CASZ1: variants seen among roughly 807,000 people sequenced by gnomAD.
CASZ1 encodes the protein castor zinc finger 1.
CASZ1 carries 28 observed loss-of-function variants against 135.2 expected under a neutral mutation model. That is an observed-to-expected ratio of 0.21 (90% CI 0.15 to 0.28). The LOEUF is 0.28. Ranked by LOEUF, CASZ1 falls within the 10% of genes least tolerant of loss-of-function variation. The pLI is 1.00. For missense variants in CASZ1, 2,161 were observed against 2,453.3 expected (o/e 0.88, Z 2.52); for synonymous variants, 1,068 against 1,073.4 (o/e 0.99, Z 0.10).
rs151034876 is a variant in CASZ1 at position 10,663,844 on chromosome 1, G to C, written c.505+1239C>G. ...GGCAGTTCCAGGCCCGCCTCTGCCA[G>C]CCCCGCTCTCCACTCCTCTGGGGGA... On this transcript the variant is annotated intron_variant, in intron 5 of 20. Transcript: ENST00000377022. Among the ~76,000 whole-genome samples, 12 of 152,336 alleles carry C rather than the reference G, an allele frequency of 7.9e-5. No individual in the cohort carries two copies. In the East Asian group the frequency reaches 2.1e-3, roughly 27 times the overall value.
Position 10,701,910 on chromosome 1 carries a change from C to A in CASZ1, c.-24+3582G>T, listed in dbSNP as rs974185372. Among the ~76,000 whole-genome samples the A allele has an allele frequency of 4.6e-5, 7 of 152,196 alleles. No homozygotes were observed. In the South Asian group the frequency reaches 1.4e-3, roughly 31 times the overall value. On this transcript the variant is annotated intron_variant, in intron 3 of 20. Transcript: ENST00000377022. This position sits in a 1 kb window ranked among gnomAD's most constrained non-coding sequence, Gnocchi z 6.3. The stretch of plus-strand genomic sequence containing the variant: ...AAGCCAGGCCTCAGTTTCTCCACCT[C>A]CCCCGGCCCATCCCCCGTTGGGCTG...
chr1:10,743,637 G>T (rs1313620682), intron 2 of CASZ1, among the ~76,000 whole-genome samples: 1 of 138,708 alleles, frequency 7.2e-6, no homozygotes, highest in Non-Finnish European at 1.5e-5. Flanking sequence ...AGGAGGGAGG[G>T]AGTAGGTCTT....
In CASZ1 at chr1:10,638,982, C is replaced by A. The variant is rs1286835472; in HGVS notation, c.5240G>T (p.Gly1747Val). The A allele has an allele frequency of 1.0e-6, 1 of 980,934 alleles. No individual in the cohort carries two copies. The highest frequency in any genetic ancestry group is 1.8e-5 in the African/African-American group (1 of 56,194). The allele number at this position is 980,934 out of a possible 1,614,324, so 60.8% of individuals were successfully genotyped here. ...TPALAALAAL[G>V]APGPAPTAAS... ...TGCAGTGGGCGCGGGGCCGGGGGCG[C>A]CCAGGGCCGCCAGCGCCGCCAAGGC... The change falls in exon 21 of 21, where the codon GGC becomes GTC. Residue 1747 changes from glycine to valine, a missense_variant. Physicochemically the swap from Gly to Val is moderately radical, Grantham distance 109. This residue lies in a region of CASZ1 where 185 missense variants were observed against 134.7 expected (regional missense o/e 1.37). Transcript: ENST00000377022. The surrounding 1 kb of genome is among the most constrained non-coding windows in gnomAD (Gnocchi z 5.9).
Position 10,776,512 on chromosome 1 carries a change from C to G in CASZ1, c.-233-15655G>C, listed in dbSNP as rs1054125342. On this transcript the variant is annotated intron_variant, in intron 1 of 20. Transcript: ENST00000377022. This position sits in a 1 kb window ranked among gnomAD's most constrained non-coding sequence, Gnocchi z 4.1. ...CCTCTCAGTACTCGGCAAGTTCACA[C>G]CAGAGGGCTCTGACACGAGACACAT... 6.6e-6 allele frequency among the ~76,000 whole-genome samples: 1 copy of G among 152,220 alleles called. No individual in the cohort carries two copies. The highest frequency in any genetic ancestry group is 6.5e-5 in the Admixed American group (1 of 15,286).
intron 4 of CASZ1, among the ~76,000 whole-genome samples, chr1:10,693,438 C>G (rs182474001): frequency 2.9e-5 from 4 of 140,042 alleles, no homozygotes; most frequent in African/African-American, 1.1e-4. Context: ...AACCACCCCC[C>G]ACTAAAAAAA....
chr1:10,664,869 C>T (rs138287780), intron 5 of CASZ1, among the ~76,000 whole-genome samples: 1,692 of 151,584 alleles, frequency 0.011, 18 homozygotes, highest in Non-Finnish European at 0.016. Context: ...TGAAGACCCA[C>T]TGTGTGTGGG....
chr1:10,742,706 G>A (rs1351837319), intron 2 of CASZ1, among the ~76,000 whole-genome samples: 3 of 152,270 alleles, frequency 2.0e-5, no homozygotes, highest in Non-Finnish European at 2.9e-5. Flanking sequence ...GCCTCTGGCC[G>A]GGTGTGGTGG....
At chr1:10,693,760 C>CG in intron 4 of CASZ1, 114 bp downstream of exon 4, 2 of 778,830 alleles carry the variant, frequency 2.6e-6, no homozygotes, top group Non-Finnish European at 2.2e-6. Flanking sequence ...CCGCCCGACC[C>CG]TCCCGGCCCC....
chr1:10,740,060 T>C (rs1008879678), intron 2 of CASZ1, among the ~76,000 whole-genome samples: 2 of 152,156 alleles, frequency 1.3e-5, no homozygotes, highest in Non-Finnish European at 2.9e-5. Context: ...ATAGGAAAGC[T>C]GCCCCCCTGG....
At chr1:10,764,401 A>G (rs1640435360) in intron 1 of CASZ1, among the ~76,000 whole-genome samples, 1 of 152,252 alleles carries the variant, frequency 6.6e-6, no homozygotes, top group Non-Finnish European at 1.5e-5. Flanking sequence ...CCCCCTGCCA[A>G]TAGGCCAAAG....
At chr1:10,761,749 GCAAACA>G in intron 1 of CASZ1, among the ~76,000 whole-genome samples, 1 of 152,322 alleles carries the variant, frequency 6.6e-6, no homozygotes, top group East Asian at 1.9e-4. Context: ...TCATGCGCGT[GCAAACA>G]CAAACACACA....
intron 1 of CASZ1, among the ~76,000 whole-genome samples, chr1:10,787,945 TG>T (rs1049557578): frequency 6.6e-6 from 1 of 152,020 alleles, no homozygotes; most frequent in Non-Finnish European, 1.5e-5. Context: ...TTTGAAAAAA[TG>T]TTTTTTTTTA....
At chr1:10,644,476 T>C (rs1056823690) in intron 18 of CASZ1, among the ~76,000 whole-genome samples, 6 of 152,076 alleles carry the variant, frequency 3.9e-5, no homozygotes, top group African/African-American at 1.4e-4. Context: ...CCTCCATAAA[T>C]AACTGCAGAA....
Position 10,762,582 on chromosome 1 carries a change from G to A in CASZ1, c.-233-1725C>T, listed in dbSNP as rs113389143. 4.4e-3 allele frequency among the ~76,000 whole-genome samples: 672 copies of A among 152,206 alleles called. 8 individuals are homozygous for A. Among genetic ancestry groups the A allele is most frequent in the African/African-American group, 0.016 (657 of 41,522 alleles). On this transcript the variant is annotated intron_variant, in intron 1 of 20. Coordinates refer to ENST00000377022, the MANE Select transcript of CASZ1 (RefSeq NM_001079843.3). This position sits in a 1 kb window ranked among gnomAD's most constrained non-coding sequence, Gnocchi z 4.1. ...ACTCCCCTGGGCTAGAAGAAGGCAT[G>A]CCTTGGACCACCTACACTCCTACTC...
chr1:10,697,801 G>A lies in CASZ1; in HGVS notation c.-23-3889C>T, dbSNP rs74466822. Among the ~76,000 whole-genome samples the A allele has an allele frequency of 1.8e-3, 279 of 152,396 alleles. 2 individuals carry two copies. In the East Asian group the frequency reaches 0.02, roughly 11 times the overall value. On this transcript the variant is annotated intron_variant, in intron 3 of 20. Transcript: ENST00000377022. The surrounding 1 kb of genome is among the most constrained non-coding windows in gnomAD (Gnocchi z 4.7). ...TAAACTGGTTCCATCTGAGGCGACT[G>A]GGCCAGGGCACAGAAGCCTTGGCCA...
In CASZ1 at chr1:10,653,838, G is replaced by A; in HGVS notation, c.2219C>T (p.Ala740Val). 6.2e-7 allele frequency: 1 copy of A among 1,609,056 alleles called. No individual in the cohort carries two copies. Among genetic ancestry groups the A allele is most frequent in the South Asian group, 1.1e-5 (1 of 90,746 alleles). Residue 740 changes from alanine (A) to valine (V), a missense_variant, in exon 11 of 21, where the codon GCC becomes GTC. Around this residue, in one of 7 missense-constraint regions of CASZ1, gnomAD observed 406 missense variants for 387.6 expected, o/e 1.05. Coordinates refer to ENST00000377022, the MANE Select transcript of CASZ1 (RefSeq NM_001079843.3). ...ALSSKNSSLS[A>V]SPTSQQSSAS... ...AGAGGACTGCTGGCTGGTAGGGGAG[G>A]CGCTCAGGCTGGAGTTCTTGCTGCT...
intron 1 of CASZ1, among the ~76,000 whole-genome samples, chr1:10,766,202 G>A (rs1030009836): frequency 3.3e-5 from 5 of 149,670 alleles, no homozygotes; most frequent in African/African-American, 1.2e-4. Context: ...CGTTCAGCAC[G>A]TGCACACACA....
In CASZ1 at chr1:10,777,820, A is replaced by G. The variant is rs1640687907; in HGVS notation, c.-233-16963T>C. Among the ~76,000 whole-genome samples, 1 of 151,528 alleles carries G rather than the reference A, an allele frequency of 6.6e-6. No individual in the cohort carries two copies. The highest frequency in any genetic ancestry group is 2.1e-4 in the South Asian group (1 of 4,800). ...AATCTTATATACAGCCACTGACACA[A>G]TCCCACAACCACACACAATCTCACA... On this transcript the variant is annotated intron_variant, in intron 1 of 20. Coordinates refer to ENST00000377022, the MANE Select transcript of CASZ1 (RefSeq NM_001079843.3). The surrounding 1 kb of genome is among the most constrained non-coding windows in gnomAD (Gnocchi z 4.4).
intron 13 of CASZ1, chr1:10,649,737 T>C: frequency 3.0e-6 from 1 of 328,846 alleles, no homozygotes; most frequent in South Asian, 9.6e-5. Context: ...CTGCAGCCCA[T>C]CTTTCCCCAG....
Sources: gnomAD v4.1 joint callset for allele counts (sites outside exome capture counted in the v4.1 genomes callset) on GRCh38, gnomAD v4.1.1 for gene constraint, gnomAD v4.1.1 regional missense constraint, Gnocchi (gnomAD v3.1) non-coding constraint, MANE v1.5 for transcripts, NCBI Gene and HGNC (gene_info 2026-07-23, HGNC 2026-07-21) for gene names.